Variants in SDSL observed in about 807,000 individuals in gnomAD.
The protein encoded by SDSL is serine dehydratase-like.
Under a neutral mutation model 27.6 loss-of-function variants are expected in SDSL, and 26 were observed. The observed-to-expected ratio is 0.94, with a 90% CI of 0.69 to 1.31. The LOEUF is 1.31. SDSL is among the 50% of genes most tolerant of loss of function. SDSL has a pLI of 0.00. For synonymous variants in SDSL, 196 were observed against 180.6 expected (o/e 1.09, Z -0.69); for missense variants, 431 against 423.5 (o/e 1.02, Z -0.16).
intron 7 of SDSL, 88 bp from the exon 8 acceptor site, chr12:113,437,798 T>A: frequency 8.4e-7 from 1 of 1,191,826 alleles, no homozygotes; most frequent in South Asian, 1.5e-5. Context: ...GAGAGATGGC[T>A]GCAAGGATCT....
chr12:113,425,533 T>TAATGG, intron 1 of SDSL: 1 of 383,382 alleles, frequency 2.6e-6, no homozygotes, highest in East Asian at 7.4e-5. Flanking sequence ...TAGCGGCCAA[T>TAATGG]AATGGAATGG....
chr12:113,434,342 A>C, intron 5 of SDSL, 120 bp downstream of exon 5: 2 of 725,502 alleles, frequency 2.8e-6, no homozygotes, highest in Non-Finnish European at 4.5e-6. Context: ...CTTCAAAGCC[A>C]GGCAGACATG....
chr12:113,429,169 C>T lies in SDSL; in HGVS notation c.224C>T (p.Ala75Val), dbSNP rs199502451. The T allele has an allele frequency of 3.1e-4, 504 of 1,612,800 alleles. No individual in the cohort carries two copies. Among genetic ancestry groups the T allele is most frequent in the Non-Finnish European group, 3.9e-4 (464 of 1,179,408 alleles). ...RHLVCSSGGNAGIAAAYAARK... is the reference protein window; with the variant it reads ...RHLVCSSGGNVGIAAAYAARK... Reference sequence around the variant, plus strand: ...CCTCCTTTCTGCACAGGGGGTAATGCGGGCATCGCTGCTGCCTATGCTGCT... The same window carrying T: ...CCTCCTTTCTGCACAGGGGGTAATGTGGGCATCGCTGCTGCCTATGCTGCT... Residue 75 changes from alanine (A) to valine (V), a missense_variant, in exon 4 of 8, where the codon GCG (alanine) becomes GTG (valine). Transcript: ENST00000403593.
chr12:113,432,264 CT>C (rs544191401), intron 4 of SDSL, among the ~76,000 whole-genome samples: 21 of 133,124 alleles, frequency 1.6e-4, no homozygotes, highest in African/African-American at 5.9e-4. Context: ...TTCTTTCTTT[CT>C]TTCTTTCTTT....
intron 1 of SDSL, among the ~76,000 whole-genome samples, chr12:113,424,704 G>T (rs928830558): frequency 1.3e-5 from 2 of 151,948 alleles, no homozygotes; most frequent in African/African-American, 4.8e-5. Flanking sequence ...ACATAATAGG[G>T]ACTCAACAAA....
At chr12:113,424,084 T>TCGCCTCACC (rs1957821258) in intron 1 of SDSL, among the ~76,000 whole-genome samples, 13 of 152,274 alleles carry the variant, frequency 8.5e-5, no homozygotes, top group African/African-American at 2.4e-5. Flanking sequence ...CTCGGCTCAC[T>TCGCCTCACC]GCAACCTCGC....
intron 1 of SDSL, chr12:113,426,128 C>T (rs745576744): frequency 2.9e-5 from 13 of 455,208 alleles, no homozygotes; most frequent in Middle Eastern, 6.6e-4. Flanking sequence ...TCCACATCTC[C>T]GCCCTCACCC....
At chr12:113,425,337 G>A (rs566041211) in intron 1 of SDSL, among the ~76,000 whole-genome samples, 36 of 152,276 alleles carry the variant, frequency 2.4e-4, no homozygotes, top group African/African-American at 8.4e-4. Flanking sequence ...CTGGGAAGAG[G>A]TGGCTCAGGC....
chr12:113,428,467 C>T lies in SDSL; in HGVS notation c.214+8C>T. On this transcript the variant is annotated splice_region_variant and intron_variant, in intron 3 of 7. Transcript: ENST00000403593. ...ACCTGGTGTGCTCCTCAGGTGACCC[C>T]ACCTTTTTTTGTTTCATGGGCAGAG... is the stretch of plus-strand genomic sequence containing the variant. The T allele has an allele frequency of 3.1e-6, 5 of 1,610,842 alleles. No individual in the cohort carries two copies. The highest frequency in any genetic ancestry group is 2.2e-5 in the East Asian group (1 of 44,842).
In SDSL at chr12:113,434,197, C is replaced by T. The variant is rs777320814; in HGVS notation, c.418C>T (p.Pro140Ser). The change falls in exon 5 of 8, where the codon CCC becomes TCC. Residue 140 changes from proline to serine, a missense_variant. Transcript: ENST00000403593. ...LAKRDGWENV[P>S]PFDHPLIWKG... Reference sequence around the variant, plus strand: ...CAAGAGGGACGGCTGGGAGAATGTCCCCCCGTTTGACCACCCCCTAATATG... The same window carrying T: ...CAAGAGGGACGGCTGGGAGAATGTCTCCCCGTTTGACCACCCCCTAATATG... 1.9e-6 allele frequency: 3 copies of T among 1,613,420 alleles called. No individual in the cohort carries two copies. Among genetic ancestry groups the T allele is most frequent in the Non-Finnish European group, 8.5e-7 (1 of 1,179,584 alleles).
At chr12:113,435,300 T>A in intron 5 of SDSL, 29 bp from the exon 6 acceptor site, 2 of 1,453,736 alleles carry the variant, frequency 1.4e-6, no homozygotes, top group Non-Finnish European at 1.8e-6. Context: ...TCCCTCACTC[T>A]GCTTCTCCCT....
Position 113,430,121 on chromosome 12 carries a change from TCCATCCATCCATCCATCCAC to T in SDSL, c.354+840_354+859del, listed in dbSNP as rs375637248. Among the ~76,000 whole-genome samples, 279 of 148,216 alleles carry T rather than the reference TCCATCCATCCATCCATCCAC, an allele frequency of 1.9e-3. 1 individual carries two copies. The highest frequency in any genetic ancestry group is 6.8e-3 in the African/African-American group (262 of 38,554). Reference sequence around the variant, plus strand: ...CTCTCTCCTCTCTCCCTTCTTTCCATCCATCCATCCATCCATCCACCCATCCATCCATCCATCAGATATTG... The same window carrying T: ...CTCTCTCCTCTCTCCCTTCTTTCCATCCATCCATCCATCCATCAGATATTG... On this transcript the variant is annotated intron_variant, in intron 4 of 7. Transcript: ENST00000403593.
At chr12:113,434,857 G>A (rs898206877) in intron 5 of SDSL, among the ~76,000 whole-genome samples, 27 of 152,250 alleles carry the variant, frequency 1.8e-4, no homozygotes, top group African/African-American at 6.3e-4. Flanking sequence ...GCTCACGCCT[G>A]TAATCCCAGC....
chr12:113,431,733 C>T (rs1957924101), intron 4 of SDSL, among the ~76,000 whole-genome samples: 1 of 149,568 alleles, frequency 6.7e-6, no homozygotes, highest in African/African-American at 2.5e-5. Context: ...ACCACCACAC[C>T]CAGCTAATTT....
At position 113,438,208 on chromosome 12, in the gene SDSL, A is replaced by C. The variant is rs1183735440; in HGVS notation, c.*129A>C. ...TGCAACTGTGCTGGCTGCCTCCTGA[A>C]GGAAGCCCTCCTGGACTGCTTCTTT... On this transcript the variant is annotated 3_prime_UTR_variant, in exon 8 of 8. Transcript: ENST00000403593. The C allele has an allele frequency of 1.3e-6, 1 of 774,480 alleles. No individual in the cohort carries two copies. The highest frequency in any genetic ancestry group is 2.1e-6 in the Non-Finnish European group (1 of 487,584). The allele number at this position is 774,480 out of a possible 1,614,324, so 48.0% of individuals were successfully genotyped here. A position where few individuals can be genotyped will look rare whatever the true frequency, so the allele number is the denominator to read the frequency against.
Position 113,428,936 on chromosome 12 carries a change from C to T in SDSL, c.215-224C>T, listed in dbSNP as rs138304074. Among the ~76,000 whole-genome samples the T allele has an allele frequency of 2.0e-4, 31 of 151,446 alleles. No individual in the cohort carries two copies. The East Asian group carries it at 5.2e-3, about 26-fold the overall frequency. On this transcript the variant is annotated intron_variant, in intron 3 of 7. Coordinates refer to ENST00000403593, the MANE Select transcript of SDSL (RefSeq NM_001304993.2). ...CCTGGAATTGTTTTTTTTTTTTGGC[C>T]CCGCTTGGGTGGCGTCTTCATCCTT...
intron 4 of SDSL, among the ~76,000 whole-genome samples, chr12:113,432,253 T>TTTCTTTCTTTCTTTCTTTCTTTCTTTC (rs1957935706): frequency 1.4e-5 from 2 of 143,038 alleles, no homozygotes; most frequent in African/African-American, 5.5e-5. Flanking sequence ...TCTTTCTTTC[T>TTTCTTTCTTTCTTTCTTTCTTTCTTTC]TTCTTTCTTT....
intron 6 of SDSL, 40 bp from the exon 7 acceptor site, chr12:113,436,711 A>G (rs1957999160): frequency 6.5e-7 from 1 of 1,533,672 alleles, no homozygotes; most frequent in East Asian, 2.3e-5. Flanking sequence ...CTCTTCCCTG[A>G]GCCCCTGGTC....
In SDSL at chr12:113,435,318, C is replaced by G. The variant is rs549707913; in HGVS notation, c.444-11C>G. ...CTCACTCTGCTTCTCCCTCTCACCC[C>G]CCCTCCCCAGGAAAGGCCACGCCAG... On this transcript the variant is annotated splice_polypyrimidine_tract_variant and intron_variant, in intron 5 of 7. Transcript: ENST00000403593. The G allele has an allele frequency of 6.7e-7, 1 of 1,490,112 alleles. No homozygotes were observed. The highest frequency in any genetic ancestry group is 9.0e-7 in the Non-Finnish European group (1 of 1,115,558). The allele number at this position is 1,490,112 out of a possible 1,614,324, so 92.3% of individuals were successfully genotyped here.
Sources: gnomAD v4.1 joint callset for allele counts (sites outside exome capture counted in the v4.1 genomes callset) on GRCh38, gnomAD v4.1.1 for gene constraint, MANE v1.5 for transcripts, NCBI Gene and HGNC (gene_info 2026-07-23, HGNC 2026-07-21) for gene names.